The following HACD3 variants were observed in gnomAD, a reference collection of about 807,000 sequenced individuals.
HACD3 encodes 3-hydroxyacyl-CoA dehydratase 3.
In HACD3, 30 loss-of-function variants were observed where a neutral mutation model predicts 55.2. The ratio of observed to expected loss-of-function variants is 0.54; its 90% CI spans 0.41 to 0.74. HACD3 has a LOEUF of 0.74. Ranked by LOEUF, HACD3 falls within the 30% of genes least tolerant of loss-of-function variation. HACD3 has a pLI of 0.00. For synonymous variants in HACD3, 141 were observed against 151.7 expected, an observed-to-expected ratio of 0.93 and a Z score of 0.52; for missense variants, 363 against 440.1, an observed-to-expected ratio of 0.82 and a Z score of 1.57.
chr15:65,537,098 A>G (rs1475585152), intron 1 of HACD3, among the ~76,000 whole-genome samples: 6 of 152,164 alleles, frequency 3.9e-5, no homozygotes, highest in Admixed American at 3.3e-4. Flanking sequence ...CAAGGCCCCA[A>G]CTCTTTCAAT....
chr15:65,552,840 C>A, intron 2 of HACD3, among the ~76,000 whole-genome samples: 1 of 151,524 alleles, frequency 6.6e-6, no homozygotes, highest in Non-Finnish European at 1.5e-5. Flanking sequence ...TATCCCTCCC[C>A]ACTCCCCCCA....
intron 1 of HACD3, among the ~76,000 whole-genome samples, chr15:65,536,409 C>G (rs576469901): frequency 6.6e-6 from 1 of 152,286 alleles, no homozygotes; most frequent in South Asian, 2.1e-4. Flanking sequence ...CCATCTCTCT[C>G]CCTCTCCTTG....
chr15:65,572,401 G>T (rs1349363651), intron 10 of HACD3, 35 bp downstream of exon 10: 5 of 1,505,760 alleles, frequency 3.3e-6, no homozygotes, highest in Admixed American at 4.3e-5. Flanking sequence ...ACTTTTTCTT[G>T]TCACTTCTTA....
intron 1 of HACD3, among the ~76,000 whole-genome samples, chr15:65,536,911 G>T (rs750399581): frequency 2.6e-5 from 4 of 152,212 alleles, no homozygotes; most frequent in Non-Finnish European, 4.4e-5. Context: ...GCACCAAGCA[G>T]CCAAGTTGTG....
At chr15:65,536,676 C>T (rs2071958224) in intron 1 of HACD3, among the ~76,000 whole-genome samples, 1 of 152,130 alleles carries the variant, frequency 6.6e-6, no homozygotes, top group Non-Finnish European at 1.5e-5. Flanking sequence ...AGAATCACTT[C>T]AACCTGGGAG....
At chr15:65,573,711 G>A (rs2141227724) in intron 10 of HACD3, among the ~76,000 whole-genome samples, 1 of 152,242 alleles carries the variant, frequency 6.6e-6, no homozygotes, top group African/African-American at 2.4e-5. Context: ...ACATAGATGT[G>A]AAAATACATA....
chr15:65,561,850 A>G (rs1439102013), intron 5 of HACD3, among the ~76,000 whole-genome samples: 1 of 152,168 alleles, frequency 6.6e-6, no homozygotes, highest in Admixed American at 6.5e-5. Flanking sequence ...CTTGTGACCA[A>G]TAGGCTGTAA....
intron 1 of HACD3, 135 bp from the exon 2 acceptor site, chr15:65,551,541 A>G: frequency 2.1e-6 from 2 of 948,802 alleles, no homozygotes; most frequent in East Asian, 4.8e-5. Context: ...AAATGACTAA[A>G]TATATTTCTG....
At chr15:65,568,727 T>C (rs762426436) in intron 7 of HACD3, among the ~76,000 whole-genome samples, 4 of 152,122 alleles carry the variant, frequency 2.6e-5, no homozygotes, top group Non-Finnish European at 5.9e-5. Context: ...GAATATTCTT[T>C]AAAGACGAGC....
At chr15:65,554,561 G>T (rs558935232) in intron 2 of HACD3, among the ~76,000 whole-genome samples, 7 of 152,206 alleles carry the variant, frequency 4.6e-5, no homozygotes, top group Admixed American at 3.9e-4. Context: ...GGATCACAAG[G>T]TCAGGAGATC....
chr15:65,555,106 GT>G, intron 3 of HACD3, 146 bp downstream of exon 3: 1 of 661,224 alleles, frequency 1.5e-6, no homozygotes, highest in Non-Finnish European at 2.6e-6. Flanking sequence ...CAGAGCCCAG[GT>G]TTTAGCTGCA....
Position 65,571,613 on chromosome 15 carries a change from C to T in HACD3, c.839C>T (p.Thr280Ile), listed in dbSNP as rs756832499. 3.7e-6 allele frequency: 6 copies of T among 1,613,858 alleles called. No individual in the cohort carries two copies. In the South Asian group the frequency reaches 4.4e-5, roughly 12 times the overall value. The change falls in exon 9 of 11, where the codon ACT becomes ATT. Residue 280 changes from threonine to isoleucine, a missense_variant. Physicochemically the swap from Thr to Ile is moderately conservative, Grantham distance 89. Transcript: ENST00000261875. ...DWKVLTWLRY[T>I]LWIPLYPLGC... ...AAGGTGCTCACATGGCTTCGTTACA[C>T]TCTGTGGATTCCCTTATATCCACTG...
chr15:65,563,241 G>C (rs991056424), intron 6 of HACD3, among the ~76,000 whole-genome samples: 3 of 151,880 alleles, frequency 2.0e-5, no homozygotes, highest in African/African-American at 7.3e-5. Context: ...AGGCCAAAAG[G>C]GTTCTCACCC....
intron 10 of HACD3, 27 bp from the exon 11 acceptor site, chr15:65,576,276 T>A: frequency 6.4e-7 from 1 of 1,568,260 alleles, no homozygotes; most frequent in Non-Finnish European, 8.6e-7. Flanking sequence ...AGACTCTAAT[T>A]TCTAATTGAC....
intron 5 of HACD3, among the ~76,000 whole-genome samples, chr15:65,560,046 TG>T (rs1292055257): frequency 3.3e-5 from 5 of 151,514 alleles, no homozygotes; most frequent in Admixed American, 6.6e-5. Flanking sequence ...AAGGCTGTGT[TG>T]TTTTTTTTTT....
intron 1 of HACD3, among the ~76,000 whole-genome samples, chr15:65,540,769 G>A (rs536747774): frequency 3.4e-4 from 52 of 152,320 alleles, no homozygotes; most frequent in African/African-American, 1.1e-3. Flanking sequence ...AAGTGACTTT[G>A]TAGGATTTGT....
rs2072333272 is a variant in HACD3 at position 65,570,079 on chromosome 15, T to G, written c.661-12T>G. On this transcript the variant is annotated splice_polypyrimidine_tract_variant and intron_variant, in intron 7 of 10. Coordinates refer to ENST00000261875, the MANE Select transcript of HACD3 (RefSeq NM_016395.4). ...TATTAACTTTTTTCTCTCTTTTGGG[T>G]CTTTCTAATAGCTTCTTGGAAGAAA... The G allele has an allele frequency of 3.9e-6, 6 of 1,533,648 alleles. No homozygotes were observed. The highest frequency in any genetic ancestry group is 5.4e-6 in the Non-Finnish European group (6 of 1,116,456).
chr15:65,564,456 A>T, intron 7 of HACD3, 114 bp downstream of exon 7: 1 of 1,313,674 alleles, frequency 7.6e-7, no homozygotes, highest in Non-Finnish European at 1.0e-6. Flanking sequence ...GAGACTGGGC[A>T]GTTTACAAAA....
chr15:65,558,558 C>A, intron 4 of HACD3, 122 bp from the exon 5 acceptor site: 2 of 858,260 alleles, frequency 2.3e-6, no homozygotes, highest in Non-Finnish European at 3.8e-6. Context: ...CCCAATGATG[C>A]ACTGACCCCA....
Sources: allele counts gnomAD v4.1 joint callset (sites outside exome capture counted in the v4.1 genomes callset), GRCh38; gene constraint gnomAD v4.1.1; transcripts MANE v1.5; gene names NCBI Gene and HGNC (gene_info 2026-07-23, HGNC 2026-07-21).